Variants in VPS13B observed in about 807,000 individuals in gnomAD.
VPS13B encodes the protein intermembrane lipid transfer protein VPS13B.
A neutral mutation model predicts 426.4 loss-of-function variants in VPS13B; 285 were observed. The observed-to-expected ratio is 0.67, with a 90% CI of 0.61 to 0.74. VPS13B has a LOEUF of 0.74. Among genes scored for constraint, VPS13B ranks in the 30% least tolerant of loss-of-function variants. VPS13B has a pLI of 0.00. For synonymous variants in VPS13B, 1,676 were observed against 1,676.4 expected (o/e 1.00, Z 0.01); for missense variants, 4,537 against 4,782.6 (o/e 0.95, Z 1.51).
chr8:99,370,110 A>G (rs1238603519), intron 19 of VPS13B, among the ~76,000 whole-genome samples: 1 of 152,212 alleles, frequency 6.6e-6, no homozygotes, highest in Non-Finnish European at 1.5e-5. Context: ...ATATTTATAC[A>G]TTTATTCAAC....
intron 12 of VPS13B, among the ~76,000 whole-genome samples, chr8:99,141,311 T>C (rs1302295616): frequency 6.6e-6 from 1 of 152,178 alleles, no homozygotes; most frequent in Non-Finnish European, 1.5e-5. Context: ...GTTTTCATTA[T>C]GGGGGGCATT....
At chr8:99,502,727 C>T (rs886722241) in intron 26 of VPS13B, 109 bp from the exon 27 acceptor site, 37 of 843,612 alleles carry the variant, frequency 4.4e-5, no homozygotes, top group Admixed American at 2.8e-4. Flanking sequence ...GTGATCTCAG[C>T]GCCTCTGTAC....
chr8:99,299,128 C>T (rs376774032), intron 19 of VPS13B, among the ~76,000 whole-genome samples: 3 of 127,018 alleles, frequency 2.4e-5, no homozygotes, highest in Non-Finnish European at 4.7e-5. Context: ...ATGGCACTAT[C>T]TTGGCTCACT....
chr8:99,654,588 G>A lies in VPS13B; in HGVS notation c.5909-6766G>A, dbSNP rs182210653. 4.0e-4 allele frequency among the ~76,000 whole-genome samples: 61 copies of A among 152,258 alleles called. 1 individual carries two copies. In the East Asian group the frequency reaches 7.1e-3, roughly 18 times the overall value. Reference sequence around the variant, plus strand: ...TGCCTTTTACATGTCCAGTGGTCAAGAAGTGACTGTTCTGATAGTGACCTC... The same window carrying A: ...TGCCTTTTACATGTCCAGTGGTCAAAAAGTGACTGTTCTGATAGTGACCTC... On this transcript the variant is annotated intron_variant, in intron 34 of 61. Coordinates refer to ENST00000357162, the MANE Select transcript of VPS13B (RefSeq NM_152564.5).
intron 14 of VPS13B, among the ~76,000 whole-genome samples, chr8:99,153,390 C>T (rs565067184): frequency 2.6e-5 from 4 of 151,830 alleles, no homozygotes; most frequent in East Asian, 1.9e-4. Flanking sequence ...TTTTTTTTCC[C>T]GCTCTTTTTT....
At position 99,496,209 on chromosome 8, in the gene VPS13B, A is replaced by G. The variant is rs1820873960; in HGVS notation, c.3871-5478A>G. ...TAAAACTTTATATTTTATGAAGAAC[A>G]TACTGCACTGTACTTCAGCTAGGTG... is the stretch of plus-strand genomic sequence containing the variant. On this transcript the variant is annotated intron_variant, in intron 25 of 61. Coordinates refer to ENST00000357162, the MANE Select transcript of VPS13B (RefSeq NM_152564.5). 2.0e-5 allele frequency among the ~76,000 whole-genome samples: 3 copies of G among 152,246 alleles called. No homozygotes were observed. In the South Asian group the frequency reaches 6.2e-4, roughly 31 times the overall value.
intron 17 of VPS13B, among the ~76,000 whole-genome samples, chr8:99,218,607 A>G (rs1030517180): frequency 6.6e-6 from 1 of 152,204 alleles, no homozygotes. Context: ...GCTCTTTATG[A>G]TAAAAGGGCA....
intron 2 of VPS13B, among the ~76,000 whole-genome samples, chr8:99,016,467 C>G (rs1401466024): frequency 7.1e-6 from 1 of 141,438 alleles, no homozygotes; most frequent in Non-Finnish European, 1.5e-5. Context: ...TTCCTAATGA[C>G]TAATTATGTT....
At chr8:99,121,534 G>T in intron 8 of VPS13B, 89 bp downstream of exon 8, 2 of 1,568,050 alleles carry the variant, frequency 1.3e-6, no homozygotes, top group Non-Finnish European at 1.7e-6. Flanking sequence ...ATTCAAGTTT[G>T]CTTTGCATTC....
At chr8:99,875,133 A>ATGT (rs1817635391) in intron 61 of VPS13B, 1 of 456,050 alleles carries the variant, frequency 2.2e-6, no homozygotes, top group Non-Finnish European at 4.0e-6. Context: ...GGTGAGTAGA[A>ATGT]TGTTATCAAA....
chr8:99,350,451 T>G lies in VPS13B; in HGVS notation c.2825-33757T>G, dbSNP rs188355599. ...ATGAGAGTGAGTGTTGCTTGACCAGTAAAGAGAATGTTGTAGCAGTTCTTA... is the reference window on the plus strand; with the variant it reads ...ATGAGAGTGAGTGTTGCTTGACCAGGAAAGAGAATGTTGTAGCAGTTCTTA... On this transcript the variant is annotated intron_variant, in intron 19 of 61. Coordinates refer to ENST00000357162, the MANE Select transcript of VPS13B (RefSeq NM_152564.5). Among the ~76,000 whole-genome samples the G allele has an allele frequency of 1.3e-5, 2 of 152,138 alleles. 1 individual carries two copies. The highest frequency in any genetic ancestry group is 4.8e-5 in the African/African-American group (2 of 41,428).
At chr8:99,691,505 T>A (rs1401811620) in intron 35 of VPS13B, among the ~76,000 whole-genome samples, 1 of 152,026 alleles carries the variant, frequency 6.6e-6, no homozygotes, top group Non-Finnish European at 1.5e-5. Flanking sequence ...TTCTGACCCT[T>A]TCCAATGCAC....
In VPS13B at chr8:99,699,808, T is replaced by C; in HGVS notation, c.6330T>C (p.Ser2110=). The C allele has an allele frequency of 6.2e-7, 1 of 1,613,920 alleles. No individual in the cohort carries two copies. Among genetic ancestry groups the C allele is most frequent in the East Asian group, 2.2e-5 (1 of 44,868 alleles). ...WRAVSCFQKI[S]VQTTQIVISM... ...CTGTTTCCTGCTTTCAAAAAATTTC[T>C]GTTCAAACTACTCAGATTGTGATCT... The change falls in exon 36 of 62, where the codon TCT becomes TCC. Residue 2110 remains serine (S), a synonymous_variant. Transcript: ENST00000357162.
chr8:99,060,861 T>C lies in VPS13B; in HGVS notation c.291+22295T>C, dbSNP rs1355988238. Among the ~76,000 whole-genome samples, 7 of 152,296 alleles carry C rather than the reference T, an allele frequency of 4.6e-5. No homozygotes were observed. In the East Asian group the frequency reaches 1.3e-3, roughly 29 times the overall value. ...AGCTGAAAAAGGTATATTTTATTTT[T>C]AGTCTGTCAACTATTTTAAGTAAGA... On this transcript the variant is annotated intron_variant, in intron 3 of 61. Coordinates refer to ENST00000357162, the MANE Select transcript of VPS13B (RefSeq NM_152564.5).
At chr8:99,150,732 A>C (rs1811029489) in intron 14 of VPS13B, among the ~76,000 whole-genome samples, 1 of 152,120 alleles carries the variant, frequency 6.6e-6, no homozygotes, top group Admixed American at 6.6e-5. Context: ...TCTTCTTTGC[A>C]CTTACTAATA....
chr8:99,587,274 A>G (rs1328797040), intron 33 of VPS13B, among the ~76,000 whole-genome samples: 2 of 152,202 alleles, frequency 1.3e-5, no homozygotes, highest in African/African-American at 4.8e-5. Flanking sequence ...ATAGTGCCAC[A>G]ATAAACATAT....
intron 19 of VPS13B, among the ~76,000 whole-genome samples, chr8:99,276,532 A>G (rs535345776): frequency 2.0e-5 from 3 of 152,242 alleles, no homozygotes; most frequent in African/African-American, 7.2e-5. Flanking sequence ...CTCTGTCTCA[A>G]CTGTTTCTGC....
chr8:99,824,219 G>C (rs537101094), intron 51 of VPS13B, among the ~76,000 whole-genome samples: 9 of 152,276 alleles, frequency 5.9e-5, no homozygotes, highest in African/African-American at 2.2e-4. Context: ...TCCTGCCTGT[G>C]CCCCATCTGC....
intron 21 of VPS13B, among the ~76,000 whole-genome samples, chr8:99,407,458 CATCT>C (rs1369711491): frequency 6.6e-6 from 1 of 151,716 alleles, no homozygotes; most frequent in East Asian, 1.9e-4. Flanking sequence ...TTTTGCTATC[CATCT>C]ATTTCTCTCC....
Sources: gnomAD v4.1 joint callset for allele counts (sites outside exome capture counted in the v4.1 genomes callset) on GRCh38, gnomAD v4.1.1 for gene constraint, MANE v1.5 for transcripts, NCBI Gene and HGNC (gene_info 2026-07-23, HGNC 2026-07-21) for gene names.